IGF1: variants seen among roughly 807,000 people sequenced by gnomAD.
IGF1 encodes insulin-like growth factor 1.
In IGF1, 4 loss-of-function variants were observed where a neutral mutation model predicts 13.8. The ratio of observed to expected loss-of-function variants is 0.29; its 90% CI spans 0.14 to 0.66. IGF1 has a LOEUF of 0.66. IGF1 is among the 30% of genes least tolerant of loss of function. IGF1 has a pLI of 0.78. For missense variants in IGF1, 124 were observed against 188.5 expected, an observed-to-expected ratio of 0.66 and a Z score of 2.00; for synonymous variants, 76 against 72.6, an observed-to-expected ratio of 1.05 and a Z score of -0.23.
intron 2 of IGF1, among the ~76,000 whole-genome samples, chr12:102,473,668 T>C (rs1168785666): frequency 1.3e-5 from 2 of 152,234 alleles, no homozygotes; most frequent in Non-Finnish European, 2.9e-5. Context: ...AGATTTGCTA[T>C]ATATAACATT....
At position 102,399,259 on chromosome 12, in the gene IGF1, T is replaced by C. The variant is rs1265593847; in HGVS notation, c.*3248A>G. 6.6e-6 allele frequency: 1 copy of C among 152,434 alleles called. No homozygotes were observed. Among genetic ancestry groups the C allele is most frequent in the Non-Finnish European group, 1.5e-5 (1 of 67,992 alleles). The allele number at this position is 152,434 out of a possible 1,614,324, so 9.4% of individuals were successfully genotyped here. On this transcript the variant is annotated 3_prime_UTR_variant, in exon 4 of 4. Coordinates refer to ENST00000337514, the MANE Select transcript of IGF1 (RefSeq NM_000618.5). ...ACTGCCTCATCTTAAAAAGTTCAAATAATACTTTAATATTATTTGGGGAAG... is the reference window on the plus strand; with the variant it reads ...ACTGCCTCATCTTAAAAAGTTCAAACAATACTTTAATATTATTTGGGGAAG...
intron 2 of IGF1, among the ~76,000 whole-genome samples, chr12:102,474,536 C>T (rs1302522258): frequency 3.9e-5 from 6 of 152,210 alleles, no homozygotes; most frequent in African/African-American, 1.4e-4. Flanking sequence ...CATACACACA[C>T]ATACCCCACC....
chr12:102,457,325 C>G (rs536626721), intron 2 of IGF1, among the ~76,000 whole-genome samples: 2 of 152,320 alleles, frequency 1.3e-5, no homozygotes, highest in African/African-American at 4.8e-5. Context: ...TTATCTGCAT[C>G]AAATCCTATC....
At chr12:102,436,477 T>C (rs529795879) in intron 2 of IGF1, among the ~76,000 whole-genome samples, 1 of 152,178 alleles carries the variant, frequency 6.6e-6, no homozygotes, top group Non-Finnish European at 1.5e-5. Flanking sequence ...AACCCAAACC[T>C]ATCCTTCCTA....
At chr12:102,463,705 A>C (rs1294664007) in intron 2 of IGF1, among the ~76,000 whole-genome samples, 1 of 152,218 alleles carries the variant, frequency 6.6e-6, no homozygotes, top group Non-Finnish European at 1.5e-5. Flanking sequence ...ATGACATAGC[A>C]GTTCACTTTG....
chr12:102,447,477 T>C (rs192401151), intron 2 of IGF1, among the ~76,000 whole-genome samples: 14 of 152,260 alleles, frequency 9.2e-5, no homozygotes, highest in Admixed American at 2.0e-4. Flanking sequence ...TACCATTATG[T>C]CATTCTTTGT....
intron 2 of IGF1, among the ~76,000 whole-genome samples, chr12:102,448,689 T>TAAAAAAAAAAA (rs58794507): frequency 9.1e-6 from 1 of 110,326 alleles, no homozygotes; most frequent in Non-Finnish European, 1.8e-5. Context: ...TAGAGTATAA[T>TAAAAAAAAAAA]AAAAAAAAAA....
At chr12:102,451,863 T>C (rs1878966581) in intron 2 of IGF1, among the ~76,000 whole-genome samples, 1 of 152,022 alleles carries the variant, frequency 6.6e-6, no homozygotes, top group Non-Finnish European at 1.5e-5. Flanking sequence ...ATGGGGGTGG[T>C]TTCCCCCATG....
chr12:102,417,624 C>G, intron 3 of IGF1: 1 of 1,334,794 alleles, frequency 7.5e-7, no homozygotes, highest in Non-Finnish European at 9.5e-7. Flanking sequence ...TAGGGCATTA[C>G]ATTTTTCTTT....
chr12:102,467,433 G>A lies in IGF1; in HGVS notation c.220+8210C>T, dbSNP rs370356133. ...AGACTGTTTCAGATTTTCCAGGAGC[G>A]CAGCTTTGCTAAGTCATTCCAAAGC... On this transcript the variant is annotated intron_variant, in intron 2 of 3. Coordinates refer to ENST00000337514, the MANE Select transcript of IGF1 (RefSeq NM_000618.5). Among the ~76,000 whole-genome samples the A allele has an allele frequency of 1.0e-3, 152 of 152,300 alleles. 1 individual carries two copies. The highest frequency in any genetic ancestry group is 3.4e-3 in the African/African-American group (142 of 41,544).
chr12:102,449,394 G>A lies in IGF1; in HGVS notation c.220+26249C>T, dbSNP rs1302920534. ...GGAACATCACACAGTGGGGCCAGTC[G>A]GGGGGTGGGGGCAAGGGAAGGGATA... On this transcript the variant is annotated intron_variant, in intron 2 of 3. Transcript: ENST00000337514. Among the ~76,000 whole-genome samples the A allele has an allele frequency of 5.3e-5, 8 of 151,714 alleles. No homozygotes were observed. The East Asian group carries it at 9.7e-4, about 18-fold the overall frequency.
chr12:102,481,788 T>C (rs544890198), upstream of IGF1: 4 of 151,804 alleles, frequency 2.6e-5, no homozygotes, highest in South Asian at 8.4e-4. Context: ...TTTTTTTTTT[T>C]CCACATGACT....
At chr12:102,414,823 C>T (rs1874946860) in intron 3 of IGF1, among the ~76,000 whole-genome samples, 1 of 152,108 alleles carries the variant, frequency 6.6e-6, no homozygotes, top group South Asian at 2.1e-4. Context: ...ATACTTTTCA[C>T]CAATTTTATT....
chr12:102,480,728 T>A, upstream of IGF1: 1 of 541,864 alleles, frequency 1.8e-6, no homozygotes, highest in Non-Finnish European at 2.8e-6. Flanking sequence ...CTTTGCATTT[T>A]AAAACTAGAG....
intron 3 of IGF1, chr12:102,417,538 A>T: frequency 1.8e-6 from 2 of 1,127,358 alleles, no homozygotes; most frequent in African/African-American, 1.6e-5. Flanking sequence ...GGCAGAGAAT[A>T]GTGTGTCTTT....
At chr12:102,413,437 G>A (rs987962039) in intron 3 of IGF1, among the ~76,000 whole-genome samples, 1 of 152,142 alleles carries the variant, frequency 6.6e-6, no homozygotes, top group Non-Finnish European at 1.5e-5. Flanking sequence ...GGTCGTCAAG[G>A]GATGGAGGCG....
chr12:102,397,137 G>A lies in IGF1; in HGVS notation c.*5370C>T, dbSNP rs1019726069. 1 of 284,562 alleles carries A rather than the reference G, an allele frequency of 3.5e-6. No homozygotes were observed. Among genetic ancestry groups the A allele is most frequent in the African/African-American group, 2.2e-5 (1 of 45,728 alleles). 17.6% of individuals were successfully genotyped at this position (284,562 alleles called of 1,614,324 possible). A position where few individuals can be genotyped will look rare whatever the true frequency, so the allele number is the denominator to read the frequency against. On this transcript the variant is annotated 3_prime_UTR_variant, in exon 4 of 4. Coordinates refer to ENST00000337514, the MANE Select transcript of IGF1 (RefSeq NM_000618.5). ...GAATCGCTTAAACCCAGGAGGTGGA[G>A]GTTGCAGTGAGCCGAGATCATGCCA... is the stretch of plus-strand genomic sequence containing the variant.
chr12:102,438,430 G>A lies in IGF1; in HGVS notation c.221-18740C>T, dbSNP rs972383874. Among the ~76,000 whole-genome samples, 6 of 152,164 alleles carry A rather than the reference G, an allele frequency of 3.9e-5. No homozygotes were observed. The South Asian group carries it at 1.0e-3, about 26-fold the overall frequency. Reference sequence around the variant, plus strand: ...AAAAGCTTAGGAAACGGCTGTAAACGTTATCTTATTTTGCAGAGTCTTAAA... The same window carrying A: ...AAAAGCTTAGGAAACGGCTGTAAACATTATCTTATTTTGCAGAGTCTTAAA... On this transcript the variant is annotated intron_variant, in intron 2 of 3. Coordinates refer to ENST00000337514, the MANE Select transcript of IGF1 (RefSeq NM_000618.5).
intron 3 of IGF1, chr12:102,417,878 T>G: frequency 6.2e-7 from 1 of 1,614,032 alleles, no homozygotes; most frequent in Non-Finnish European, 8.5e-7. Flanking sequence ...TCCTCTGCTC[T>G]TTCTTCTTTC....
Sources: allele counts gnomAD v4.1 joint callset (sites outside exome capture counted in the v4.1 genomes callset), GRCh38; gene constraint gnomAD v4.1.1; transcripts MANE v1.5; gene names NCBI Gene and HGNC (gene_info 2026-07-23, HGNC 2026-07-21).